KCNJ6: variants seen among roughly 807,000 people sequenced by gnomAD.
KCNJ6 encodes potassium inwardly rectifying channel subfamily J member 6, also known as G protein-activated inward rectifier potassium channel 2.
KCNJ6 carries 9 observed loss-of-function variants against 34.2 expected under a neutral mutation model. The observed-to-expected ratio is 0.26, with a 90% CI of 0.16 to 0.46. The LOEUF (loss-of-function observed/expected upper bound fraction) is 0.46. Among genes scored for constraint, KCNJ6 ranks in the 20% least tolerant of loss-of-function variants. KCNJ6 has a pLI of 1.00. For missense variants in KCNJ6, 236 were observed against 531.3 expected, an observed-to-expected ratio of 0.44 and a Z score of 5.46; for synonymous variants, 196 against 207.1, an observed-to-expected ratio of 0.95 and a Z score of 0.46.
chr21:37,883,529 C>T (rs2055720410), intron 1 of KCNJ6, among the ~76,000 whole-genome samples: 2 of 152,168 alleles, frequency 1.3e-5, no homozygotes, highest in South Asian at 4.1e-4. Flanking sequence ...CACCTAGTGC[C>T]AGGTGGGACA....
At chr21:37,678,140 C>T (rs1787405) in intron 3 of KCNJ6, among the ~76,000 whole-genome samples, 134,188 of 151,948 alleles carry the variant, frequency 0.88, 60,000 homozygotes, top group Non-Finnish European at 0.95. Context: ...GAGAAGATTT[C>T]AAAGAGGATG....
At chr21:37,815,740 G>A (rs1014149984) in intron 2 of KCNJ6, among the ~76,000 whole-genome samples, 1 of 152,208 alleles carries the variant, frequency 6.6e-6, no homozygotes, top group Non-Finnish European at 1.5e-5. Flanking sequence ...CAGACTCGAA[G>A]GAGCAGGGAT....
At chr21:37,676,046 G>T (rs190035460) in intron 3 of KCNJ6, among the ~76,000 whole-genome samples, 1 of 152,372 alleles carries the variant, frequency 6.6e-6, no homozygotes, top group East Asian at 1.9e-4. Context: ...ATTTTAACAG[G>T]GTCCGTGGGA....
intron 2 of KCNJ6, among the ~76,000 whole-genome samples, chr21:37,839,712 C>T (rs1321966384): frequency 6.6e-6 from 1 of 152,184 alleles, no homozygotes; most frequent in African/African-American, 2.4e-5. Flanking sequence ...ATTTCATATT[C>T]ATATGGTCTT....
intron 1 of KCNJ6, among the ~76,000 whole-genome samples, chr21:37,864,061 G>A (rs2055609568): frequency 6.6e-6 from 1 of 151,600 alleles, no homozygotes; most frequent in Non-Finnish European, 1.5e-5. Flanking sequence ...TCATCCAACA[G>A]CTGACGCTTG....
intron 1 of KCNJ6, among the ~76,000 whole-genome samples, chr21:37,855,727 TGCCGA>T (rs1203115849): frequency 2.6e-5 from 4 of 152,336 alleles, no homozygotes; most frequent in South Asian, 2.1e-4. Context: ...CTTTTAGCAC[TGCCGA>T]GCCAAGAAAC....
chr21:37,907,028 T>C (rs542289441), intron 1 of KCNJ6, among the ~76,000 whole-genome samples: 1 of 152,366 alleles, frequency 6.6e-6, no homozygotes, highest in East Asian at 1.9e-4. Flanking sequence ...AGTAGCACTA[T>C]ATTTTGCACG....
chr21:37,817,799 T>C (rs2055353642), intron 2 of KCNJ6, among the ~76,000 whole-genome samples: 2 of 152,320 alleles, frequency 1.3e-5, no homozygotes, highest in Non-Finnish European at 2.9e-5. Context: ...CCTGGCTCAC[T>C]TGGGAGGGTT....
At position 37,762,583 on chromosome 21, in the gene KCNJ6, C is replaced by G. The variant is rs190108011; in HGVS notation, c.26-47452G>C. Among the ~76,000 whole-genome samples, 11 of 152,326 alleles carry G rather than the reference C, an allele frequency of 7.2e-5. No homozygotes were observed. The East Asian group carries it at 2.1e-3, about 29-fold the overall frequency. ...GCCTGAATAAGAGGCAATGGGGACC[C>G]TGTTGAGGTCAACTCTTGTATGTTA... On this transcript the variant is annotated intron_variant, in intron 2 of 3. Transcript: ENST00000609713.
intron 2 of KCNJ6, among the ~76,000 whole-genome samples, chr21:37,801,218 A>C (rs1010378387): frequency 6.6e-6 from 1 of 152,168 alleles, no homozygotes; most frequent in Non-Finnish European, 1.5e-5. Context: ...TCTTGCAAAC[A>C]GCCCCGATTT....
At chr21:37,854,773 T>G (rs1170681921) in intron 1 of KCNJ6, among the ~76,000 whole-genome samples, 3 of 152,200 alleles carry the variant, frequency 2.0e-5, no homozygotes, top group Non-Finnish European at 2.9e-5. Flanking sequence ...GAACAACCAT[T>G]AAGTACCAAT....
chr21:37,727,814 G>A (rs568586991), intron 2 of KCNJ6, among the ~76,000 whole-genome samples: 1 of 152,212 alleles, frequency 6.6e-6, no homozygotes, highest in South Asian at 2.1e-4. Flanking sequence ...TCACAAACAA[G>A]CCTCAAACTG....
chr21:37,824,600 G>A (rs1181094527), intron 2 of KCNJ6, among the ~76,000 whole-genome samples: 1 of 152,084 alleles, frequency 6.6e-6, no homozygotes, highest in Non-Finnish European at 1.5e-5. Flanking sequence ...ATTTGATCAT[G>A]GGGGCATTTT....
At chr21:37,870,506 C>T (rs1429498947) in intron 1 of KCNJ6, among the ~76,000 whole-genome samples, 2 of 152,146 alleles carry the variant, frequency 1.3e-5, no homozygotes, top group African/African-American at 4.8e-5. Flanking sequence ...GGAACATTCT[C>T]TCTCTGCCTT....
chr21:37,722,195 A>C (rs2054830460), intron 2 of KCNJ6, among the ~76,000 whole-genome samples: 1 of 152,170 alleles, frequency 6.6e-6, no homozygotes, highest in South Asian at 2.1e-4. Flanking sequence ...AATCCCACTT[A>C]TCATAGCCAC....
rs1379348462 is a variant in KCNJ6 at position 37,649,153 on chromosome 21, AAG to A, written c.947-23671_947-23670del. Among the ~76,000 whole-genome samples the A allele has an allele frequency of 1.6e-3, 233 of 149,766 alleles. 3 individuals are homozygous for A. Among genetic ancestry groups the A allele is most frequent in the Non-Finnish European group, 3.0e-3 (203 of 67,466 alleles). ...ATCTCAAAAAAAAAAAAAAAAAAAA[AAG>A]AAAGAAAAAGAAAGGGAGTTTATAA... On this transcript the variant is annotated intron_variant, in intron 3 of 3. Transcript: ENST00000609713.
chr21:37,701,280 G>T (rs752503969), intron 3 of KCNJ6, among the ~76,000 whole-genome samples: 13 of 152,194 alleles, frequency 8.5e-5, no homozygotes, highest in Admixed American at 5.9e-4. Context: ...AATTGCAGGT[G>T]GAGGAAGGGA....
chr21:37,825,076 T>G (rs8134835), intron 2 of KCNJ6, among the ~76,000 whole-genome samples: 84,994 of 151,964 alleles, frequency 0.56, 24,593 homozygotes, highest in South Asian at 0.74. Flanking sequence ...CAAGGATACA[T>G]GTGATTGCAT....
intron 2 of KCNJ6, among the ~76,000 whole-genome samples, chr21:37,792,458 T>C (rs1022626824): frequency 2.0e-5 from 3 of 152,176 alleles, no homozygotes; most frequent in Admixed American, 6.6e-5. Context: ...AAGATCAGGA[T>C]GTTTAAAATT....
Sources: allele counts gnomAD v4.1 joint callset (sites outside exome capture counted in the v4.1 genomes callset), GRCh38; gene constraint gnomAD v4.1.1; transcripts MANE v1.5; gene names NCBI Gene and HGNC (gene_info 2026-07-23, HGNC 2026-07-21).